FMN1: variants seen among roughly 807,000 people sequenced by gnomAD.
FMN1 encodes the protein formin-1.
Under a neutral mutation model 132.4 loss-of-function variants are expected in FMN1, and 110 were observed. The ratio of observed to expected loss-of-function variants is 0.83; its 90% confidence interval spans 0.71 to 0.97. FMN1 has a LOEUF of 0.97. Among genes scored for constraint, FMN1 ranks in the 50% least tolerant of loss-of-function variants. The pLI is 0.00. For synonymous variants in FMN1, 722 were observed against 651.7 expected, an observed-to-expected ratio of 1.11 and a Z score of -1.64; for missense variants, 1,792 against 1,705.3, an observed-to-expected ratio of 1.05 and a Z score of -0.90.
intron 19 of FMN1, among the ~76,000 whole-genome samples, chr15:32,777,829 G>A (rs1329753736): frequency 9.7e-6 from 1 of 103,340 alleles, no homozygotes; most frequent in Non-Finnish European, 1.8e-5. Context: ...TATATATTAT[G>A]TATAATATAT....
Position 32,898,910 on chromosome 15 carries a change from A to G in FMN1, c.3655-17T>C. 6.6e-7 allele frequency: 1 copy of G among 1,526,488 alleles called. No homozygotes were observed. The highest frequency in any genetic ancestry group is 1.7e-5 in the Admixed American group (1 of 59,138). 94.6% of individuals were successfully genotyped at this position (1,526,488 alleles called of 1,614,324 possible). A position where few individuals can be genotyped will look rare whatever the true frequency, so the allele number is the denominator to read the frequency against. On this transcript the variant is annotated splice_polypyrimidine_tract_variant and intron_variant, in intron 14 of 20. Coordinates refer to ENST00000616417, the MANE Select transcript of FMN1 (RefSeq NM_001277313.2). ...CCCATTATCCTAGGTTTAAAAGAGA[A>G]ATGTACATGAAAATCATTCCCATGA...
At position 33,048,644 on chromosome 15, in the gene FMN1, A is replaced by ACAAAAAAAAAAAAAAACAAAACC. The variant is rs1555388957; in HGVS notation, c.2161+16312_2161+16313insGGTTTTGTTTTTTTTTTTTTTTG. 2.3e-5 allele frequency among the ~76,000 whole-genome samples: 2 copies of ACAAAAAAAAAAAAAAACAAAACC among 86,920 alleles called. 1 individual carries two copies. The highest frequency in any genetic ancestry group is 4.8e-5 in the Non-Finnish European group (2 of 42,100). 57.0% of individuals were successfully genotyped at this position (86,920 alleles called of 152,430 possible). Reference sequence around the variant, plus strand: ...TGGGCAATTTACCAAAAAAAAAAAAAAAAAACCAACAGTTTAATGGACTTA... The same window carrying ACAAAAAAAAAAAAAAACAAAACC: ...TGGGCAATTTACCAAAAAAAAAAAAACAAAAAAAAAAAAAAACAAAACCAAAAACCAACAGTTTAATGGACTTA... On this transcript the variant is annotated intron_variant, in intron 6 of 20. Transcript: ENST00000616417.
At chr15:32,965,261 G>A (rs772035960) in intron 8 of FMN1, among the ~76,000 whole-genome samples, 5 of 151,980 alleles carry the variant, frequency 3.3e-5, no homozygotes, top group Non-Finnish European at 7.4e-5. Context: ...TTAGCTGGGC[G>A]TGGTGGTGGG....
intron 4 of FMN1, among the ~76,000 whole-genome samples, chr15:33,120,853 A>G (rs972830540): frequency 2.0e-5 from 3 of 151,924 alleles, no homozygotes; most frequent in East Asian, 3.8e-4. Context: ...TCTACTTTCC[A>G]TTTTTTTACA....
chr15:33,039,090 A>AAAC (rs1442309770), intron 6 of FMN1, among the ~76,000 whole-genome samples: 1 of 152,244 alleles, frequency 6.6e-6, no homozygotes, highest in Non-Finnish European at 1.5e-5. Context: ...AACACACACG[A>AAAC]TGTTAAACAA....
At chr15:32,891,372 C>T (rs2060025050) in intron 15 of FMN1, among the ~76,000 whole-genome samples, 1 of 152,176 alleles carries the variant, frequency 6.6e-6, no homozygotes, top group African/African-American at 2.4e-5. Flanking sequence ...CTCAGCCTCC[C>T]AAGCAGCTGG....
At chr15:32,842,962 C>A (rs2058778515) in intron 17 of FMN1, among the ~76,000 whole-genome samples, 1 of 151,852 alleles carries the variant, frequency 6.6e-6, no homozygotes, top group South Asian at 2.1e-4. Flanking sequence ...CCTGTCTCTA[C>A]TAAAAATACA....
intron 7 of FMN1, among the ~76,000 whole-genome samples, chr15:33,003,245 AGAG>A (rs2034216650): frequency 6.6e-6 from 1 of 152,222 alleles, no homozygotes; most frequent in Non-Finnish European, 1.5e-5. Flanking sequence ...CAATAGGAAA[AGAG>A]AAAGTCAAAT....
intron 5 of FMN1, among the ~76,000 whole-genome samples, chr15:33,076,491 G>A (rs74244009): frequency 0.12 from 18,526 of 149,376 alleles, 2,042 homozygotes; most frequent in East Asian, 0.62. Flanking sequence ...ATTTTTAAAG[G>A]GGACAAAAGA....
At chr15:32,895,243 T>C (rs916229974) in intron 15 of FMN1, among the ~76,000 whole-genome samples, 3 of 151,868 alleles carry the variant, frequency 2.0e-5, no homozygotes, top group African/African-American at 7.3e-5. Flanking sequence ...TTCGTATGCA[T>C]GTGTGAGATG....
chr15:32,853,836 G>T (rs757204349), intron 17 of FMN1, among the ~76,000 whole-genome samples: 2 of 152,216 alleles, frequency 1.3e-5, no homozygotes, highest in Non-Finnish European at 2.9e-5. Context: ...CCCAGAGTGG[G>T]CAGGGGGCTA....
chr15:32,967,867 A>G (rs1487242578), intron 8 of FMN1, among the ~76,000 whole-genome samples: 4 of 152,264 alleles, frequency 2.6e-5, no homozygotes, highest in African/African-American at 9.6e-5. Flanking sequence ...GAAAAGCTGT[A>G]AAATGTGTCC....
intron 4 of FMN1, among the ~76,000 whole-genome samples, chr15:33,120,033 G>A (rs914887459): frequency 3.9e-5 from 6 of 152,100 alleles, no homozygotes; most frequent in Non-Finnish European, 7.4e-5. Flanking sequence ...TTTAACAGGT[G>A]GGGAAACTAA....
chr15:33,109,926 C>T lies in FMN1; in HGVS notation c.1868-20952G>A, dbSNP rs2039634076. 2.0e-5 allele frequency among the ~76,000 whole-genome samples: 3 copies of T among 151,854 alleles called. No individual in the cohort carries two copies. The South Asian group carries it at 6.2e-4, about 32-fold the overall frequency. ...AAAAACCTAAAAAAGTAAGACAGTG[C>T]CCATGGATGTTTAAGTTAGCACCAG... is the stretch of plus-strand genomic sequence containing the variant. On this transcript the variant is annotated intron_variant, in intron 4 of 20. Coordinates refer to ENST00000616417, the MANE Select transcript of FMN1 (RefSeq NM_001277313.2).
chr15:32,998,333 G>A (rs2033899246), intron 7 of FMN1, among the ~76,000 whole-genome samples: 1 of 152,134 alleles, frequency 6.6e-6, no homozygotes, highest in African/African-American at 2.4e-5. Context: ...TCAGCTAGTT[G>A]CCTAGCACTG....
intron 6 of FMN1, among the ~76,000 whole-genome samples, chr15:33,058,276 G>GT (rs2037326816): frequency 6.6e-6 from 1 of 152,168 alleles, no homozygotes; most frequent in African/African-American, 2.4e-5. Flanking sequence ...ACTGAAAAAT[G>GT]TTTGTAAAAA....
intron 7 of FMN1, among the ~76,000 whole-genome samples, chr15:32,993,120 C>T (rs1210100057): frequency 6.6e-6 from 1 of 151,924 alleles, no homozygotes; most frequent in Non-Finnish European, 1.5e-5. Flanking sequence ...TTAACACCTG[C>T]TGAGGCCCCA....
At chr15:33,026,713 GGAGA>G (rs1349971663) in intron 6 of FMN1, among the ~76,000 whole-genome samples, 2 of 152,070 alleles carry the variant, frequency 1.3e-5, no homozygotes, top group Non-Finnish European at 2.9e-5. Flanking sequence ...ATGAACCTCA[GGAGA>G]GAGAGGTGAA....
chr15:33,101,512 T>C (rs72721477), intron 4 of FMN1, among the ~76,000 whole-genome samples: 16,795 of 152,192 alleles, frequency 0.11, 1,106 homozygotes, highest in Non-Finnish European at 0.16. Flanking sequence ...TGAATTTGTA[T>C]TGGGTCACAT....
Sources: allele counts gnomAD v4.1 joint callset (sites outside exome capture counted in the v4.1 genomes callset), GRCh38; gene constraint gnomAD v4.1.1; transcripts MANE v1.5; gene names NCBI Gene and HGNC (gene_info 2026-07-23, HGNC 2026-07-21).